Variants in MYO16 observed in about 807,000 individuals in gnomAD.
MYO16 encodes myosin XVI.
A neutral mutation model predicts 205.3 loss-of-function variants in MYO16; 94 were observed. The observed-to-expected ratio is 0.46, with a 90% CI of 0.39 to 0.54. The LOEUF is 0.54. Ranked by LOEUF, MYO16 falls within the 20% of genes least tolerant of loss-of-function variation. MYO16 has a pLI of 0.00. For missense variants in MYO16, 2,315 were observed against 2,387.5 expected (o/e 0.97, Z 0.63); for synonymous variants, 988 against 954.0 (o/e 1.04, Z -0.66).
At chr13:109,022,500 AAACATATGTATATATTTG>A (rs1886092637) in intron 23 of MYO16, among the ~76,000 whole-genome samples, 4 of 50,254 alleles carry the variant, frequency 8.0e-5, no homozygotes, top group African/African-American at 2.8e-4. Flanking sequence ...TATACAATAT[AAACATATGTATATATTTG>A]TTATATATAC....
intron 32 of MYO16, among the ~76,000 whole-genome samples, chr13:109,149,338 T>C (rs79372968): frequency 0.036 from 5,499 of 152,284 alleles, 124 homozygotes; most frequent in African/African-American, 0.041. Flanking sequence ...TTTCTCCCCC[T>C]GGACCCTTGC....
rs542383513 is a variant in MYO16 at position 108,909,309 on chromosome 13, G to T, written c.1778-694G>T. Among the ~76,000 whole-genome samples the T allele has an allele frequency of 3.9e-5, 6 of 151,994 alleles. No individual in the cohort carries two copies. In the East Asian group the frequency reaches 1.2e-3, roughly 30 times the overall value. On this transcript the variant is annotated intron_variant, in intron 15 of 34. Transcript: ENST00000457511. ...TATTTTGTAAAGTTTTGAAAACAGA[G>T]GACTAAATAAACATCAGCTAGTAGT...
rs774802700 is a variant in MYO16 at position 108,666,019 on chromosome 13, T to C, written c.162T>C (p.Tyr54=). Residue 54 remains tyrosine (Y), a synonymous_variant, in exon 2 of 35, where the codon TAT becomes TAC. Transcript: ENST00000457511. The part of the protein sequence containing the change: ...RMRCEQIKAY[Y]EREKAFQKQE... The stretch of plus-strand genomic sequence containing the variant: ...GCTGTGAGCAAATCAAAGCCTACTA[T>C]GAGCGCGAGAAGGCTTTTCAGAAGC... 2 of 1,614,002 alleles carry C rather than the reference T, an allele frequency of 1.2e-6. No individual in the cohort carries two copies. The highest frequency in any genetic ancestry group is 1.7e-6 in the Non-Finnish European group (2 of 1,180,000).
the MYO16 span, among the ~76,000 whole-genome samples, chr13:108,587,079 C>T: frequency 1.3e-5 from 2 of 152,296 alleles, no homozygotes; most frequent in Admixed American, 1.3e-4. Context: ...GGAGATCAGC[C>T]TCAAATCCAT....
intron 2 of MYO16, among the ~76,000 whole-genome samples, chr13:108,675,329 A>G (rs1594199042): frequency 1.3e-5 from 2 of 152,210 alleles, no homozygotes; most frequent in African/African-American, 4.8e-5. Flanking sequence ...GTGCATTATG[A>G]TGCCTTCAAT....
intron 1 of MYO16, among the ~76,000 whole-genome samples, chr13:108,654,320 G>A (rs1433070847): frequency 1.3e-5 from 2 of 152,106 alleles, no homozygotes; most frequent in Non-Finnish European, 2.9e-5. Flanking sequence ...CCCCCATACT[G>A]TTCTCGTGCT....
intron 28 of MYO16, among the ~76,000 whole-genome samples, chr13:109,113,903 A>G (rs941810825): frequency 2.0e-5 from 3 of 152,206 alleles, no homozygotes; most frequent in Non-Finnish European, 4.4e-5. Context: ...TGCCTATGAA[A>G]CATCGACATA....
chr13:108,620,479 T>C (rs558820227), intron 1 of MYO16, among the ~76,000 whole-genome samples: 11 of 152,290 alleles, frequency 7.2e-5, no homozygotes, highest in Non-Finnish European at 1.5e-5. Flanking sequence ...CATCCCAGAC[T>C]CATTCTCTTG....
intron 34 of MYO16, among the ~76,000 whole-genome samples, chr13:109,187,639 C>T (rs182962191): frequency 6.6e-6 from 1 of 152,294 alleles, no homozygotes; most frequent in East Asian, 1.9e-4. Flanking sequence ...AATACTGATG[C>T]TTTCCAAGTA....
At chr13:109,075,913 G>A (rs1361562499) in intron 27 of MYO16, among the ~76,000 whole-genome samples, 1 of 152,140 alleles carries the variant, frequency 6.6e-6, no homozygotes, top group South Asian at 2.1e-4. Context: ...CTGTTTGATA[G>A]AATTTATCAG....
intron 16 of MYO16, among the ~76,000 whole-genome samples, chr13:108,917,605 AT>A (rs1462830344): frequency 1.3e-5 from 2 of 152,182 alleles, no homozygotes; most frequent in Non-Finnish European, 2.9e-5. Flanking sequence ...ATTGCAATGT[AT>A]TTCCACATGA....
intron 34 of MYO16, among the ~76,000 whole-genome samples, chr13:109,183,992 T>TA (rs753897757): frequency 6.6e-6 from 1 of 152,326 alleles, no homozygotes; most frequent in East Asian, 1.9e-4. Flanking sequence ...GAGCACTAAA[T>TA]AAATCCAATG....
chr13:108,510,472 T>TTTG, the MYO16 span, among the ~76,000 whole-genome samples: 13 of 131,558 alleles, frequency 9.9e-5, no homozygotes, highest in Admixed American at 3.0e-4. Context: ...TTTTTTTTTT[T>TTTG]TTTTTTTTTT....
At chr13:108,848,062 G>A (rs1009162678) in intron 10 of MYO16, among the ~76,000 whole-genome samples, 4 of 152,164 alleles carry the variant, frequency 2.6e-5, no homozygotes, top group Admixed American at 6.5e-5. Context: ...CTCTATGGAA[G>A]TCCCATAGCC....
At chr13:108,859,734 A>T (rs1449779106) in intron 11 of MYO16, among the ~76,000 whole-genome samples, 1 of 152,210 alleles carries the variant, frequency 6.6e-6, no homozygotes, top group Non-Finnish European at 1.5e-5. Flanking sequence ...TATGCAGTCA[A>T]ATTCCTTTAT....
chr13:109,051,828 G>A (rs1887256555), intron 24 of MYO16, among the ~76,000 whole-genome samples: 1 of 152,064 alleles, frequency 6.6e-6, no homozygotes, highest in Non-Finnish European at 1.5e-5. Flanking sequence ...CCTAGCAACT[G>A]GTGCACCAAG....
chr13:108,983,205 A>G (rs1186633546), intron 20 of MYO16, among the ~76,000 whole-genome samples: 1 of 152,240 alleles, frequency 6.6e-6, no homozygotes, highest in Non-Finnish European at 1.5e-5. Context: ...AACAAATACC[A>G]TCTGTACCAT....
intron 4 of MYO16, among the ~76,000 whole-genome samples, chr13:108,746,845 A>G (rs1243625708): frequency 6.6e-6 from 1 of 152,170 alleles, no homozygotes; most frequent in African/African-American, 2.4e-5. Context: ...AAACAGCTTT[A>G]CTTAAGTATA....
chr13:108,657,901 T>A (rs754965482), intron 1 of MYO16, among the ~76,000 whole-genome samples: 1 of 152,236 alleles, frequency 6.6e-6, no homozygotes. Flanking sequence ...TTTTTCTAAA[T>A]TTTAAACACA....
Sources: allele counts gnomAD v4.1 joint callset (sites outside exome capture counted in the v4.1 genomes callset), GRCh38; gene constraint gnomAD v4.1.1; transcripts MANE v1.5; gene names NCBI Gene and HGNC (gene_info 2026-07-23, HGNC 2026-07-21).